Variants in SLC26A5 observed in about 807,000 individuals in gnomAD.
SLC26A5 encodes the protein solute carrier family 26 member 5, also known as prestin.
Under a neutral mutation model 81.0 loss-of-function variants are expected in SLC26A5, and 51 were observed. That is an observed-to-expected ratio of 0.63 (90% CI 0.50 to 0.80). The LOEUF (loss-of-function observed/expected upper bound fraction) is 0.80, where lower values mean the gene tolerates loss of function less well. Among genes scored for constraint, SLC26A5 ranks in the 30% least tolerant of loss-of-function variants. The pLI is 0.00. For synonymous variants in SLC26A5, 325 were observed against 332.8 expected, an observed-to-expected ratio of 0.98 and a Z score of 0.25; for missense variants, 771 against 905.8, an observed-to-expected ratio of 0.85 and a Z score of 1.91.
chr7:103,376,865 G>C lies in SLC26A5; in HGVS notation c.1987-3C>G. On this transcript the variant is annotated splice_polypyrimidine_tract_variant and splice_region_variant and intron_variant, in intron 18 of 19. Coordinates refer to ENST00000306312, the MANE Select transcript of SLC26A5 (RefSeq NM_198999.3). ...ACGTCTCCATATTCTTTTACAATCT[G>C]TAATAATGTTGAAATAAAATTTAGT... 1 of 1,588,688 alleles carries C rather than the reference G, an allele frequency of 6.3e-7. No individual in the cohort carries two copies. The highest frequency in any genetic ancestry group is 8.6e-7 in the Non-Finnish European group (1 of 1,157,506).
chr7:103,374,452 G>T lies in SLC26A5; in HGVS notation c.2182C>A (p.Pro728Thr), dbSNP rs752696864. 2 of 1,613,098 alleles carry T rather than the reference G, an allele frequency of 1.2e-6. No individual in the cohort carries two copies. Among genetic ancestry groups the T allele is most frequent in the South Asian group, 2.2e-5 (2 of 91,020 alleles). ...ALAEQEASAP[P>T]SQEDLEPNAT... ...TTGGGCTCCAAGTCCTCCTGGGAAG[G>T]GGGAGCCGAGGCTTCCTGTTCAGCA... The change falls in exon 20 of 20, where the codon CCT (proline) becomes ACT (threonine). Residue 728 changes from proline (P) to threonine (T), a missense_variant. By Grantham distance (38) the Pro-to-Thr change is conservative. Coordinates refer to ENST00000306312, the MANE Select transcript of SLC26A5 (RefSeq NM_198999.3).
chr7:103,436,290 T>A (rs1444086229), intron 2 of SLC26A5, among the ~76,000 whole-genome samples: 6 of 152,054 alleles, frequency 3.9e-5, no homozygotes, highest in Non-Finnish European at 7.4e-5. Context: ...GCAAGTTAGG[T>A]CCAGAGACCC....
intron 2 of SLC26A5, among the ~76,000 whole-genome samples, chr7:103,435,458 G>A (rs1246369532): frequency 6.6e-6 from 1 of 152,132 alleles, no homozygotes; most frequent in Admixed American, 6.5e-5. Flanking sequence ...TCCAGGATAG[G>A]ACTCTTCCCT....
intron 1 of SLC26A5, among the ~76,000 whole-genome samples, chr7:103,444,140 A>C (rs780079821): frequency 8.5e-4 from 130 of 152,244 alleles, no homozygotes; most frequent in Non-Finnish European, 1.7e-3. Flanking sequence ...AATTGGATCT[A>C]TCCTCCAACA....
intron 14 of SLC26A5, chr7:103,388,564 G>C: frequency 3.3e-6 from 1 of 306,230 alleles, no homozygotes; most frequent in South Asian, 3.2e-5. Context: ...AGGGAGAAGA[G>C]ATAACAAGGG....
intron 19 of SLC26A5, chr7:103,354,053 G>A (rs1819884340): frequency 1.4e-5 from 14 of 971,268 alleles, no homozygotes; most frequent in Admixed American, 9.0e-5. Context: ...AAGAAGTTAA[G>A]AAACCAAAAA....
chr7:103,408,125 C>T (rs769348533), intron 7 of SLC26A5, 122 bp from the exon 8 acceptor site: 2 of 1,328,078 alleles, frequency 1.5e-6, no homozygotes, highest in South Asian at 1.2e-5. Context: ...TGGAAAGTTC[C>T]AAGGCTGAAA....
intron 14 of SLC26A5, among the ~76,000 whole-genome samples, chr7:103,381,036 TAC>T (rs1821739684): frequency 6.8e-6 from 1 of 147,306 alleles, no homozygotes; most frequent in Non-Finnish European, 1.5e-5. Flanking sequence ...ACACACACCA[TAC>T]ATACATACCT....
intron 14 of SLC26A5, among the ~76,000 whole-genome samples, chr7:103,386,133 G>A (rs949561110): frequency 4.0e-5 from 6 of 151,754 alleles, no homozygotes. Context: ...GTTTTACCAT[G>A]TTGGTCAGGC....
intron 13 of SLC26A5, 104 bp downstream of exon 13, chr7:103,389,225 A>G: frequency 1.7e-6 from 2 of 1,173,140 alleles, no homozygotes; most frequent in African/African-American, 1.5e-5. Context: ...CTAACTGGAT[A>G]CTGCACATAA....
chr7:103,408,258 G>C (rs1303988413), intron 7 of SLC26A5, among the ~76,000 whole-genome samples: 1 of 152,008 alleles, frequency 6.6e-6, no homozygotes, highest in Non-Finnish European at 1.5e-5. Context: ...ACACAGTCTT[G>C]CTCTGTTGCC....
At chr7:103,384,437 C>T (rs1328469382) in intron 14 of SLC26A5, among the ~76,000 whole-genome samples, 2 of 151,892 alleles carry the variant, frequency 1.3e-5, no homozygotes, top group Non-Finnish European at 2.9e-5. Flanking sequence ...ATGGTGAAAC[C>T]CCATCTCTAC....
At chr7:103,380,675 G>C (rs1189293637) in intron 14 of SLC26A5, 126 bp from the exon 15 acceptor site, 2 of 820,998 alleles carry the variant, frequency 2.4e-6, no homozygotes, top group Non-Finnish European at 4.2e-6. Flanking sequence ...TCCTTACATG[G>C]TGCCTTTGCA....
At chr7:103,383,633 G>A (rs1388548804) in intron 14 of SLC26A5, among the ~76,000 whole-genome samples, 1 of 152,032 alleles carries the variant, frequency 6.6e-6, no homozygotes, top group African/African-American at 2.4e-5. Flanking sequence ...ACTTATAACT[G>A]TGTATTCTAA....
At position 103,359,440 on chromosome 7, in the gene SLC26A5, G is replaced by A. The variant is rs867028450; in HGVS notation, c.2042-6514C>T. On this transcript the variant is annotated intron_variant, in intron 19 of 19. Coordinates refer to the SLC26A5 transcript ENST00000339444. Reference sequence around the variant, plus strand: ...ATCATCACTATCTAATTCCAGAATAGAATATTTTTGTCACCCCAAAAACAA... The same window carrying A: ...ATCATCACTATCTAATTCCAGAATAAAATATTTTTGTCACCCCAAAAACAA... Among the ~76,000 whole-genome samples, 13 of 152,104 alleles carry A rather than the reference G, an allele frequency of 8.5e-5. No homozygotes were observed. The South Asian group carries it at 1.5e-3, about 17-fold the overall frequency.
At chr7:103,410,890 A>G (rs1387954892) in intron 6 of SLC26A5, among the ~76,000 whole-genome samples, 1 of 151,946 alleles carries the variant, frequency 6.6e-6, no homozygotes, top group Non-Finnish European at 1.5e-5. Flanking sequence ...CAGCCTCCCA[A>G]AGTGCTGGGA....
Position 103,425,894 on chromosome 7 carries a change from T to A in SLC26A5, c.-53-4327A>T, listed in dbSNP as rs558248828. Among the ~76,000 whole-genome samples the A allele has an allele frequency of 3.3e-5, 5 of 152,320 alleles. No individual in the cohort carries two copies. The South Asian group carries it at 8.3e-4, about 25-fold the overall frequency. On this transcript the variant is annotated intron_variant, in intron 2 of 19. Transcript: ENST00000306312. Reference sequence around the variant, plus strand: ...ATTGGTCTGCAAAGCAGACAGGGATTGAGAGCTTAAGAAGCTCTCAGGTGA... The same window carrying A: ...ATTGGTCTGCAAAGCAGACAGGGATAGAGAGCTTAAGAAGCTCTCAGGTGA...
At chr7:103,363,089 C>T (rs1033449124) in intron 19 of SLC26A5, among the ~76,000 whole-genome samples, 8 of 152,092 alleles carry the variant, frequency 5.3e-5, no homozygotes, top group African/African-American at 9.7e-5. Context: ...CCACTGAGCC[C>T]GGCAGTATTT....
intron 1 of SLC26A5, among the ~76,000 whole-genome samples, chr7:103,444,255 AATC>A (rs1251444850): frequency 1.3e-5 from 2 of 152,228 alleles, no homozygotes; most frequent in African/African-American, 2.4e-5. Context: ...AAGAAAGGAA[AATC>A]ATCATCTTAT....
Sources: allele counts gnomAD v4.1 joint callset (sites outside exome capture counted in the v4.1 genomes callset), GRCh38; gene constraint gnomAD v4.1.1; transcripts MANE v1.5; gene names NCBI Gene and HGNC (gene_info 2026-07-23, HGNC 2026-07-21).